Variants in KLF8 observed in about 807,000 individuals in gnomAD.
The protein encoded by KLF8 is Krueppel-like factor 8.
KLF8 carries 10 observed loss-of-function variants against 18.2 expected under a neutral mutation model. The observed-to-expected ratio is 0.55, with a 90% CI of 0.34 to 0.93. The LOEUF is 0.93. Among genes scored for constraint, KLF8 ranks in the 40% least tolerant of loss-of-function variants. The pLI is 0.02. For synonymous variants in KLF8, 109 were observed against 97.3 expected (o/e 1.12, Z -0.71); for missense variants, 264 against 277.9 (o/e 0.95, Z 0.36).
At chrX:56,264,761 A>C (rs1345404380) in intron 2 of KLF8, among the ~76,000 whole-genome samples, 3 of 111,113 alleles carry the variant, frequency 2.7e-5, no homozygotes, top group Non-Finnish European at 5.7e-5. Context: ...TTTTTCTAAA[A>C]CGCCTTGCTT....
chrX:56,149,594 A>T, the KLF8 span, among the ~76,000 whole-genome samples: 5 of 111,809 alleles, frequency 4.5e-5, no homozygotes, highest in Non-Finnish European at 9.4e-5. Flanking sequence ...TAGAAGTTGA[A>T]AGTGTAAAAC....
At chrX:56,157,588 G>A in the KLF8 span, among the ~76,000 whole-genome samples, 2 of 111,017 alleles carry the variant, frequency 1.8e-5, no homozygotes, top group East Asian at 5.6e-4. Flanking sequence ...CATTGTAACT[G>A]GTGTGAGATG....
chrX:56,166,682 T>C, the KLF8 span, among the ~76,000 whole-genome samples: 1 of 112,065 alleles, frequency 8.9e-6, no homozygotes, highest in Non-Finnish European at 1.9e-5. Flanking sequence ...TCAGGGCTCT[T>C]TAGTGTCCCA....
At chrX:56,144,945 A>G in the KLF8 span, among the ~76,000 whole-genome samples, 2 of 106,368 alleles carry the variant, frequency 1.9e-5, no homozygotes, top group African/African-American at 6.8e-5. Context: ...GGCTCAGACC[A>G]CCACACCCGG....
the KLF8 span, among the ~76,000 whole-genome samples, chrX:55,987,523 C>A: frequency 9.0e-6 from 1 of 111,665 alleles, no homozygotes; most frequent in African/African-American, 3.3e-5. Context: ...CTACAAAGGA[C>A]ATGAACTCAT....
chrX:56,271,489 T>C (rs574861277), intron 5 of KLF8, among the ~76,000 whole-genome samples: 4 of 111,093 alleles, frequency 3.6e-5, no homozygotes, highest in South Asian at 3.8e-4. Context: ...AATTGGGACT[T>C]AGACACCTTG....
the KLF8 span, among the ~76,000 whole-genome samples, chrX:55,986,414 T>A: frequency 8.9e-6 from 1 of 112,409 alleles, no homozygotes; most frequent in Non-Finnish European, 1.9e-5. Context: ...TTAGTTCTGT[T>A]TATGTGAGGA....
the KLF8 span, among the ~76,000 whole-genome samples, chrX:56,095,501 G>A: frequency 1.8e-5 from 2 of 110,174 alleles, no homozygotes; most frequent in Non-Finnish European, 3.8e-5. Context: ...CAAAAAAAAA[G>A]CTAGAGTAAA....
the KLF8 span, among the ~76,000 whole-genome samples, chrX:55,988,111 A>T: frequency 8.9e-6 from 1 of 112,077 alleles, no homozygotes; most frequent in East Asian, 2.8e-4. Flanking sequence ...GCCCTTTGTC[A>T]GATGAGTAGT....
chrX:56,095,742 C>T, the KLF8 span, among the ~76,000 whole-genome samples: 3 of 110,580 alleles, frequency 2.7e-5, no homozygotes, highest in South Asian at 3.8e-4. Context: ...AAGTTAAAAC[C>T]GCAATTAGAT....
the KLF8 span, among the ~76,000 whole-genome samples, chrX:56,191,515 C>T: frequency 3.6e-5 from 4 of 111,360 alleles, no homozygotes; most frequent in Non-Finnish European, 7.6e-5. Context: ...AACTACAGGC[C>T]AGTATCACTG....
At chrX:55,931,448 T>C in the KLF8 span, among the ~76,000 whole-genome samples, 3 of 111,908 alleles carry the variant, frequency 2.7e-5, no homozygotes, top group Non-Finnish European at 5.6e-5. Context: ...CTCTCATTGT[T>C]TTAATTGTAA....
At chrX:56,039,384 G>C in the KLF8 span, among the ~76,000 whole-genome samples, 1 of 111,419 alleles carries the variant, frequency 9.0e-6, no homozygotes, top group Non-Finnish European at 1.9e-5. Flanking sequence ...GTTAATTTTT[G>C]TATATGGTGT....
chrX:55,994,402 C>T, the KLF8 span, among the ~76,000 whole-genome samples: 23 of 109,140 alleles, frequency 2.1e-4, no homozygotes, highest in Non-Finnish European at 3.6e-4. Flanking sequence ...GTGTGTATGG[C>T]TTTCACGTCT....
intron 1 of KLF8, among the ~76,000 whole-genome samples, chrX:56,234,831 T>A (rs986532091): frequency 8.9e-6 from 1 of 111,869 alleles, no homozygotes; most frequent in South Asian, 3.7e-4. Context: ...ACACAGAGAA[T>A]GGGTGGGGAG....
the KLF8 span, among the ~76,000 whole-genome samples, chrX:56,007,367 A>C: frequency 9.0e-6 from 1 of 111,160 alleles, no homozygotes; most frequent in African/African-American, 3.3e-5. Flanking sequence ...TGTGGAACCC[A>C]GCACACACTC....
Position 56,288,840 on chromosome X carries a change from G to A in KLF8, c.*4346G>A, listed in dbSNP as rs185743298. ...AATAAAGTGAAGCACAATAAAACGAGGTATGCCTGTATTTACATGACTCAT... is the reference window on the plus strand; with the variant it reads ...AATAAAGTGAAGCACAATAAAACGAAGTATGCCTGTATTTACATGACTCAT... On this transcript the variant is annotated 3_prime_UTR_variant, in exon 6 of 6. Transcript: ENST00000468660. 3.3e-4 allele frequency among the ~76,000 whole-genome samples: 37 copies of A among 111,778 alleles called. No individual in the cohort carries two copies. Among genetic ancestry groups the A allele is most frequent in the Middle Eastern group, 4.7e-3 (1 of 214 alleles).
At chrX:55,918,022 G>T in the KLF8 span, among the ~76,000 whole-genome samples, 3 of 111,563 alleles carry the variant, frequency 2.7e-5, no homozygotes, top group African/African-American at 9.8e-5. Context: ...CTCAAATGTC[G>T]CAACTCTCTT....
chrX:55,929,288 T>A, the KLF8 span, among the ~76,000 whole-genome samples: 1 of 112,097 alleles, frequency 8.9e-6, no homozygotes, highest in East Asian at 2.8e-4. Flanking sequence ...GATTGAGAGA[T>A]GGTAAAAATT....
Sources: allele counts gnomAD v4.1 joint callset (sites outside exome capture counted in the v4.1 genomes callset), GRCh38; gene constraint gnomAD v4.1.1; transcripts MANE v1.5; gene names NCBI Gene and HGNC (gene_info 2026-07-23, HGNC 2026-07-21).